The following LY86 variants were observed in gnomAD, a reference collection of about 807,000 sequenced individuals.
LY86 encodes the protein MD-1, RP105-associated.
A neutral mutation model predicts 17.3 loss-of-function variants in LY86; 20 were observed. That is an observed-to-expected ratio of 1.15 (90% confidence interval 0.81 to 1.68). The LOEUF (loss-of-function observed/expected upper bound fraction) is 1.68. Ranked by LOEUF, LY86 falls within the 40% of genes most tolerant of loss-of-function variation. LY86 has a pLI of 0.00. For missense variants in LY86, 200 were observed against 191.9 expected (o/e 1.04, Z -0.25); for synonymous variants, 74 against 70.6 (o/e 1.05, Z -0.24).
intron 1 of LY86, among the ~76,000 whole-genome samples, chr6:6,600,252 G>A (rs995744595): frequency 1.3e-5 from 2 of 152,120 alleles, no homozygotes; most frequent in African/African-American, 4.8e-5. Flanking sequence ...GAGTCCAACA[G>A]CCTTTAGTAA....
chr6:6,613,659 C>T (rs1426920062), intron 1 of LY86, among the ~76,000 whole-genome samples: 4 of 152,246 alleles, frequency 2.6e-5, no homozygotes, highest in South Asian at 4.1e-4. Context: ...CTGAGGGAGC[C>T]GGCTCCGGCC....
intron 1 of LY86, among the ~76,000 whole-genome samples, chr6:6,614,102 A>G (rs1761485015): frequency 6.6e-6 from 1 of 152,188 alleles, no homozygotes; most frequent in African/African-American, 2.4e-5. Flanking sequence ...GAAGAAAATC[A>G]GTGTTTAGGA....
chr6:6,601,707 G>A (rs993641974), intron 1 of LY86, among the ~76,000 whole-genome samples: 24 of 151,720 alleles, frequency 1.6e-4, no homozygotes, highest in Middle Eastern at 3.4e-3. Context: ...GAGACAGAGT[G>A]AGACACTGTC....
chr6:6,612,256 G>A (rs778998297), intron 1 of LY86, among the ~76,000 whole-genome samples: 11 of 152,134 alleles, frequency 7.2e-5, no homozygotes, highest in Non-Finnish European at 1.6e-4. Flanking sequence ...TATTCCTTCT[G>A]ATGTTCAGAT....
chr6:6,599,054 CTT>C (rs1212582687), intron 1 of LY86, among the ~76,000 whole-genome samples: 2 of 152,200 alleles, frequency 1.3e-5, no homozygotes, highest in Non-Finnish European at 2.9e-5. Flanking sequence ...ATTCACAACT[CTT>C]TGTCCTTACT....
intron 3 of LY86, among the ~76,000 whole-genome samples, chr6:6,646,941 G>A (rs954365404): frequency 6.6e-6 from 1 of 151,856 alleles, no homozygotes; most frequent in Non-Finnish European, 1.5e-5. Context: ...ACTCAACACT[G>A]CCTAGAAATC....
intron 1 of LY86, among the ~76,000 whole-genome samples, chr6:6,608,842 G>A (rs908256916): frequency 6.6e-6 from 1 of 152,222 alleles, no homozygotes; most frequent in East Asian, 1.9e-4. Flanking sequence ...GGACGGCTGT[G>A]ATTGTTCAAC....
intron 2 of LY86, 29 bp from the exon 3 acceptor site, chr6:6,626,264 G>T: frequency 6.2e-7 from 1 of 1,612,078 alleles, no homozygotes; most frequent in South Asian, 1.1e-5. Flanking sequence ...CACGCAGTAA[G>T]AGTAAAGCTG....
intron 1 of LY86, among the ~76,000 whole-genome samples, chr6:6,614,382 T>A (rs1021035724): frequency 6.6e-6 from 1 of 151,938 alleles, no homozygotes; most frequent in Non-Finnish European, 1.5e-5. Context: ...CGTCTCTTTT[T>A]TTTTTTTTTT....
chr6:6,654,177 G>A (rs1208846079), intron 4 of LY86, among the ~76,000 whole-genome samples: 1 of 151,746 alleles, frequency 6.6e-6, no homozygotes, highest in Non-Finnish European at 1.5e-5. Flanking sequence ...GCACCTTCTT[G>A]CATCTGCTTC....
At chr6:6,613,426 G>A (rs115764604) in intron 1 of LY86, among the ~76,000 whole-genome samples, 2,850 of 152,324 alleles carry the variant, frequency 0.019, 100 homozygotes, top group African/African-American at 0.065. Context: ...CAGGTCCTGA[G>A]CCCTGCCGCG....
chr6:6,618,639 A>C (rs1233624511), intron 1 of LY86, among the ~76,000 whole-genome samples: 2 of 152,234 alleles, frequency 1.3e-5, no homozygotes, highest in Admixed American at 6.5e-5. Flanking sequence ...TGATAGCAAG[A>C]AACATGTTTA....
chr6:6,603,760 G>A (rs1052677495), intron 1 of LY86, among the ~76,000 whole-genome samples: 1 of 151,878 alleles, frequency 6.6e-6, no homozygotes, highest in African/African-American at 2.4e-5. Flanking sequence ...TGGTAAGGAA[G>A]CCCTTCCCCA....
intron 1 of LY86, among the ~76,000 whole-genome samples, chr6:6,606,029 G>A (rs72821160): frequency 0.012 from 1,834 of 152,290 alleles, 22 homozygotes; most frequent in Non-Finnish European, 0.019. Flanking sequence ...TCCACAGCAC[G>A]TAATACTACT....
At chr6:6,643,752 G>A (rs1453934051) in intron 3 of LY86, among the ~76,000 whole-genome samples, 1 of 152,114 alleles carries the variant, frequency 6.6e-6, no homozygotes, top group East Asian at 1.9e-4. Context: ...ACACACACGT[G>A]CAGGCACACA....
intron 1 of LY86, among the ~76,000 whole-genome samples, chr6:6,614,330 G>A (rs1056362701): frequency 6.6e-6 from 1 of 151,776 alleles, no homozygotes; most frequent in African/African-American, 2.4e-5. Context: ...TGTCTCTTAA[G>A]TAGTTCCTTC....
rs569943454 is a variant in LY86 at position 6,636,637 on chromosome 6, G to T, written c.352+10216G>T. Among the ~76,000 whole-genome samples, 35 of 152,292 alleles carry T rather than the reference G, an allele frequency of 2.3e-4. No individual in the cohort carries two copies. In the South Asian group the frequency reaches 7.3e-3, roughly 32 times the overall value. On this transcript the variant is annotated intron_variant, in intron 3 of 4. Coordinates refer to ENST00000230568, the MANE Select transcript of LY86 (RefSeq NM_004271.4). ...GCATATTTTCTGATGGTTGAACAAG[G>T]CGAAGTTTCCCTGGCCCTCTTGTCC...
In LY86 at chr6:6,617,961, C is replaced by T. The variant is rs1761592931; in HGVS notation, c.137-6965C>T. ...GTTCAAGCGGTTCTCCTGCCTCAGC[C>T]TTCTGAATAGCTGGGACTACAGGCA... On this transcript the variant is annotated intron_variant, in intron 1 of 4. Coordinates refer to ENST00000230568, the MANE Select transcript of LY86 (RefSeq NM_004271.4). 2.6e-5 allele frequency among the ~76,000 whole-genome samples: 4 copies of T among 152,200 alleles called. No homozygotes were observed. In the South Asian group the frequency reaches 8.3e-4, roughly 31 times the overall value.
chr6:6,636,892 C>CAA (rs3842507), intron 3 of LY86, among the ~76,000 whole-genome samples: 23,068 of 131,058 alleles, frequency 0.18, 2,190 homozygotes, highest in East Asian at 0.26. Flanking sequence ...CCTCGAACTG[C>CAA]AAAAAAAAAA....
Sources: gnomAD v4.1 joint callset for allele counts (sites outside exome capture counted in the v4.1 genomes callset) on GRCh38, gnomAD v4.1.1 for gene constraint, MANE v1.5 for transcripts, NCBI Gene and HGNC (gene_info 2026-07-23, HGNC 2026-07-21) for gene names.